ARHGAP39: variants seen among roughly 807,000 people sequenced by gnomAD.
The protein encoded by ARHGAP39 is Rho GTPase activating protein 39.
Under a neutral mutation model 106.9 loss-of-function variants are expected in ARHGAP39, and 44 were observed. The observed-to-expected ratio is 0.41, with a 90% CI of 0.32 to 0.53. The LOEUF (loss-of-function observed/expected upper bound fraction) is 0.53. Ranked by LOEUF, ARHGAP39 falls within the 20% of genes least tolerant of loss-of-function variation. ARHGAP39 has a pLI of 0.21. For synonymous variants in ARHGAP39, 768 were observed against 693.2 expected (o/e 1.11, Z -1.69); for missense variants, 1,496 against 1,577.3 (o/e 0.95, Z 0.87).
chr8:144,603,278 G>GGT (rs373506479), intron 2 of ARHGAP39, among the ~76,000 whole-genome samples: 1 of 150,868 alleles, frequency 6.6e-6, no homozygotes. Flanking sequence ...TGTGCGTGGA[G>GGT]GTGTGTGTGC....
chr8:144,587,416 A>G (rs1366031310), intron 2 of ARHGAP39, among the ~76,000 whole-genome samples: 1 of 152,238 alleles, frequency 6.6e-6, no homozygotes, highest in Non-Finnish European at 1.5e-5. Context: ...GAGGAAGGAA[A>G]ATGTAGAGGG....
At position 144,604,761 on chromosome 8, in the gene ARHGAP39, C is replaced by A. The variant is rs1820219790; in HGVS notation, c.80+774G>T. On this transcript the variant is annotated intron_variant, in intron 2 of 11. Transcript: ENST00000377307. The surrounding 1 kb of genome is among the most constrained non-coding windows in gnomAD (Gnocchi z 4.1). ...GACACTGGCTGAGACGGGACAGGGC[C>A]AGATTTACTTGTGGTAACAAGCGTC... Among the ~76,000 whole-genome samples the A allele has an allele frequency of 6.6e-6, 1 of 152,110 alleles. No individual in the cohort carries two copies. The highest frequency in any genetic ancestry group is 1.5e-5 in the Non-Finnish European group (1 of 68,036).
intron 1 of ARHGAP39, among the ~76,000 whole-genome samples, chr8:144,619,108 C>G (rs1820715296): frequency 1.3e-5 from 2 of 152,220 alleles, no homozygotes; most frequent in African/African-American, 2.4e-5. Flanking sequence ...AAGGGCTTCC[C>G]ACCCCCACCT....
intron 1 of ARHGAP39, among the ~76,000 whole-genome samples, chr8:144,620,152 CGT>C (rs1473734385): frequency 8.4e-6 from 1 of 119,514 alleles, no homozygotes; most frequent in Admixed American, 8.5e-5. Flanking sequence ...TCCCTGAGAG[CGT>C]GTGCCCATGT....
intron 1 of ARHGAP39, among the ~76,000 whole-genome samples, chr8:144,620,164 T>G (rs1475591569): frequency 6.9e-6 from 1 of 145,970 alleles, no homozygotes; most frequent in Admixed American, 6.8e-5. Flanking sequence ...TGTGCCCATG[T>G]GAGCTTGTGT....
chr8:144,534,467 AG>A (rs578228876), intron 7 of ARHGAP39, among the ~76,000 whole-genome samples: 2 of 152,292 alleles, frequency 1.3e-5, no homozygotes, highest in South Asian at 4.1e-4. Flanking sequence ...ACGGCCACGC[AG>A]GAACAGGAAG....
Position 144,591,160 on chromosome 8 carries a change from G to A in ARHGAP39, c.81-9883C>T, listed in dbSNP as rs1268343985. Among the ~76,000 whole-genome samples the A allele has an allele frequency of 6.6e-6, 1 of 152,124 alleles. No homozygotes were observed. Among genetic ancestry groups the A allele is most frequent in the East Asian group, 1.9e-4 (1 of 5,180 alleles). ...CTGGGGTGCAAGGCCAGAGGCTCAC[G>A]GTCCCCCAGCAGGTGCCTTCCCTGT... On this transcript the variant is annotated intron_variant, in intron 2 of 11. Transcript: ENST00000377307. This position sits in a 1 kb window ranked among gnomAD's most constrained non-coding sequence, Gnocchi z 5.3.
chr8:144,549,345 C>T (rs1421889251), intron 4 of ARHGAP39, among the ~76,000 whole-genome samples: 1 of 152,266 alleles, frequency 6.6e-6, no homozygotes, highest in African/African-American at 2.4e-5. Flanking sequence ...CTCCTGGAGG[C>T]CACTCGGGTA....
At chr8:144,575,284 T>A (rs1818731108) in intron 3 of ARHGAP39, among the ~76,000 whole-genome samples, 1 of 152,206 alleles carries the variant, frequency 6.6e-6, no homozygotes, top group South Asian at 2.1e-4. Context: ...CATTTAAAAC[T>A]TCTTCTTTCA....
chr8:144,532,408 A>T lies in ARHGAP39; in HGVS notation c.2889-12T>A. 6.2e-7 allele frequency: 1 copy of T among 1,609,788 alleles called. No homozygotes were observed. The highest frequency in any genetic ancestry group is 8.5e-7 in the Non-Finnish European group (1 of 1,177,878). On this transcript the variant is annotated splice_polypyrimidine_tract_variant and intron_variant, in intron 9 of 11. Coordinates refer to ENST00000377307, the MANE Select transcript of ARHGAP39 (RefSeq NM_025251.3). ...TGTCCCCAGGGACCCTGCAGGGCAC[A>T]GGGCAGGTCTCAGGCAACAGGAGCC...
chr8:144,689,548 TGCCTCA>T (rs1398143652), upstream of ARHGAP39, among the ~76,000 whole-genome samples: 2 of 147,088 alleles, frequency 1.4e-5, no homozygotes, highest in African/African-American at 5.0e-5. Flanking sequence ...GCGATTCTCC[TGCCTCA>T]GCCTCCCGAG....
At chr8:144,658,766 A>G (rs1049848503) in intron 1 of ARHGAP39, among the ~76,000 whole-genome samples, 6 of 152,190 alleles carry the variant, frequency 3.9e-5, no homozygotes, top group African/African-American at 1.4e-4. Context: ...ATAAGGCAGG[A>G]AAAAGAAAAG....
In ARHGAP39 at chr8:144,548,613, G is replaced by GAAGGACTGGCAGACGGT; in HGVS notation, c.597-125_597-124insACCGTCTGCCAGTCCTT. The stretch of plus-strand genomic sequence containing the variant: ...TCTGTTGTACACCTTCCTCGCTGGG[G>GAAGGACTGGCAGACGGT]CCCTGTGGCCTGGCGCCCCTCACAC... On this transcript the variant is annotated intron_variant, in intron 4 of 11. Coordinates refer to ENST00000377307, the MANE Select transcript of ARHGAP39 (RefSeq NM_025251.3). This position sits in a 1 kb window ranked among gnomAD's most constrained non-coding sequence, Gnocchi z 7.4. The GAAGGACTGGCAGACGGT allele has an allele frequency of 7.6e-7, 1 of 1,319,748 alleles. No homozygotes were observed. Among genetic ancestry groups the GAAGGACTGGCAGACGGT allele is most frequent in the Non-Finnish European group, 1.0e-6 (1 of 992,862 alleles). 81.8% of individuals were successfully genotyped at this position (1,319,748 alleles called of 1,614,324 possible).
At position 144,641,396 on chromosome 8, in the gene ARHGAP39, G is replaced by T. The variant is rs1002949223; in HGVS notation, c.-81-35701C>A. Reference sequence around the variant, plus strand: ...CATGGAGATGCAGACGCAGGCAGATGATGGGCTGGTAAAGCGAAGCTGACC... The same window carrying T: ...CATGGAGATGCAGACGCAGGCAGATTATGGGCTGGTAAAGCGAAGCTGACC... On this transcript the variant is annotated intron_variant, in intron 1 of 11. Transcript: ENST00000377307. This position sits in a 1 kb window ranked among gnomAD's most constrained non-coding sequence, Gnocchi z 5.2. 2.6e-5 allele frequency among the ~76,000 whole-genome samples: 4 copies of T among 152,108 alleles called. No homozygotes were observed. Among genetic ancestry groups the T allele is most frequent in the African/African-American group, 9.7e-5 (4 of 41,420 alleles).
rs538515562 is a variant in ARHGAP39 at position 144,593,411 on chromosome 8, C to T, written c.80+12124G>A. On this transcript the variant is annotated intron_variant, in intron 2 of 11. Transcript: ENST00000377307. ...AAATGCAGTCAGACCCTACCTCATG[C>T]CACACACAAACATTAATCCAAAGTA... 9.9e-5 allele frequency among the ~76,000 whole-genome samples: 15 copies of T among 152,226 alleles called. No homozygotes were observed. In the East Asian group the frequency reaches 2.1e-3, roughly 22 times the overall value.
intron 1 of ARHGAP39, among the ~76,000 whole-genome samples, chr8:144,653,340 A>G (rs1404177225): frequency 6.6e-6 from 1 of 152,218 alleles, no homozygotes; most frequent in Non-Finnish European, 1.5e-5. Context: ...AATATGAAAT[A>G]GAAACTCAGG....
chr8:144,662,182 A>C (rs1211980024), intron 1 of ARHGAP39, among the ~76,000 whole-genome samples: 3 of 144,704 alleles, frequency 2.1e-5, no homozygotes, highest in African/African-American at 5.2e-5. Flanking sequence ...TCCACCTTGG[A>C]TCACTCCACC....
chr8:144,689,071 A>G (rs1822691496), upstream of ARHGAP39, among the ~76,000 whole-genome samples: 1 of 152,150 alleles, frequency 6.6e-6, no homozygotes, highest in South Asian at 2.1e-4. Flanking sequence ...AACCAACGAG[A>G]AAAGGTCTAT....
At chr8:144,697,491 T>A in the ARHGAP39 span, among the ~76,000 whole-genome samples, 1 of 152,138 alleles carries the variant, frequency 6.6e-6, no homozygotes, top group Non-Finnish European at 1.5e-5. Context: ...TTATTTAGCA[T>A]ATGTGGATGG....
Sources: gnomAD v4.1 joint callset for allele counts (sites outside exome capture counted in the v4.1 genomes callset) on GRCh38, gnomAD v4.1.1 for gene constraint, Gnocchi (gnomAD v3.1) non-coding constraint, MANE v1.5 for transcripts, NCBI Gene and HGNC (gene_info 2026-07-23, HGNC 2026-07-21) for gene names.